The following PARD3 variants were observed in gnomAD, a reference collection of about 807,000 sequenced individuals.
PARD3 encodes partitioning defective 3 homolog.
PARD3 carries 75 observed loss-of-function variants against 155.4 expected under a neutral mutation model. The observed-to-expected ratio is 0.48, with a 90% confidence interval of 0.40 to 0.58. PARD3 has a LOEUF of 0.58. PARD3 is among the 20% of genes least tolerant of loss of function. PARD3 has a pLI of 0.00. For missense variants in PARD3, 1,642 were observed against 1,721.7 expected (o/e 0.95, Z 0.82); for synonymous variants, 576 against 610.5 (o/e 0.94, Z 0.83).
chr10:34,176,006 AATAG>A (rs1421207084), intron 22 of PARD3, among the ~76,000 whole-genome samples: 1 of 152,204 alleles, frequency 6.6e-6, no homozygotes, highest in Non-Finnish European at 1.5e-5. Context: ...ACAATTCACA[AATAG>A]ATAAATTAGT....
At position 34,360,204 on chromosome 10, in the gene PARD3, G is replaced by C; in HGVS notation, c.1763C>G (p.Thr588Arg). The change falls in exon 13 of 25, where the codon ACA becomes AGA. Residue 588 changes from threonine to arginine, a missense_variant. Thr to Arg is a moderately conservative substitution (Grantham distance 71). Transcript: ENST00000374788. ...TGAATCATTAAGTGGGACTTCAAATGTCAGAAATTCCCTGGTGCCATCAGG... is the reference window on the plus strand; with the variant it reads ...TGAATCATTAAGTGGGACTTCAAATCTCAGAAATTCCCTGGTGCCATCAGG... ...LTPDGTREFL[T>R]FEVPLNDSGS... 6.2e-7 allele frequency: 1 copy of C among 1,613,844 alleles called. No individual in the cohort carries two copies. The highest frequency in any genetic ancestry group is 8.5e-7 in the Non-Finnish European group (1 of 1,179,744).
At chr10:34,238,373 G>T (rs1312773956) in intron 22 of PARD3, among the ~76,000 whole-genome samples, 1 of 152,294 alleles carries the variant, frequency 6.6e-6, no homozygotes, top group African/African-American at 2.4e-5. Flanking sequence ...GGCTCTCCTG[G>T]TTGTTTTAAT....
At chr10:34,669,763 C>T (rs372608016) in intron 2 of PARD3, among the ~76,000 whole-genome samples, 100 of 152,236 alleles carry the variant, frequency 6.6e-4, no homozygotes, top group African/African-American at 2.3e-3. Flanking sequence ...TGAGTATCTG[C>T]ATTAAAATGT....
intron 20 of PARD3, among the ~76,000 whole-genome samples, chr10:34,315,263 C>G (rs1957940536): frequency 6.6e-6 from 1 of 152,190 alleles, no homozygotes; most frequent in African/African-American, 2.4e-5. Context: ...AAACAATACA[C>G]ATTTCTCCCA....
chr10:34,348,505 T>C (rs931598088), intron 14 of PARD3, among the ~76,000 whole-genome samples: 7 of 152,208 alleles, frequency 4.6e-5, no homozygotes, highest in Non-Finnish European at 1.0e-4. Flanking sequence ...TTGATCAGAA[T>C]GGAAGCTGCA....
chr10:34,663,499 C>T (rs1212891620), intron 2 of PARD3, among the ~76,000 whole-genome samples: 5 of 152,138 alleles, frequency 3.3e-5, no homozygotes, highest in Non-Finnish European at 7.4e-5. Context: ...CCCACTTAAT[C>T]TCATGTGGTT....
intron 5 of PARD3, among the ~76,000 whole-genome samples, chr10:34,427,977 A>C (rs973573899): frequency 2.6e-5 from 4 of 152,056 alleles, no homozygotes; most frequent in Non-Finnish European, 5.9e-5. Context: ...GGAATATGTG[A>C]TGGCAATGGG....
chr10:34,397,944 T>C (rs1347654103), intron 7 of PARD3, among the ~76,000 whole-genome samples: 3 of 152,182 alleles, frequency 2.0e-5, no homozygotes, highest in African/African-American at 4.8e-5. Context: ...CTCAATTTCT[T>C]ACACGAAATA....
At chr10:34,334,064 G>C (rs1835892312) in intron 18 of PARD3, among the ~76,000 whole-genome samples, 1 of 151,712 alleles carries the variant, frequency 6.6e-6, no homozygotes, top group African/African-American at 2.4e-5. Flanking sequence ...ATAAAAGTTA[G>C]TATCTTTTGT....
intron 2 of PARD3, among the ~76,000 whole-genome samples, chr10:34,661,537 ATC>A (rs2093326325): frequency 6.6e-6 from 1 of 152,178 alleles, no homozygotes; most frequent in African/African-American, 2.4e-5. Flanking sequence ...AAACGGGCAA[ATC>A]TATTTTCTAC....
chr10:34,114,345 T>C (rs1230058537), intron 24 of PARD3, among the ~76,000 whole-genome samples: 1 of 152,118 alleles, frequency 6.6e-6, no homozygotes, highest in Non-Finnish European at 1.5e-5. Flanking sequence ...TTAATTTAAT[T>C]TAATTATTTT....
chr10:34,207,247 A>G (rs953506342), intron 22 of PARD3, among the ~76,000 whole-genome samples: 2 of 152,158 alleles, frequency 1.3e-5, no homozygotes, highest in South Asian at 4.1e-4. Flanking sequence ...CTCCCATTCA[A>G]ATGGTTGGTT....
At chr10:34,534,641 G>C (rs1156829437) in intron 2 of PARD3, among the ~76,000 whole-genome samples, 1 of 152,206 alleles carries the variant, frequency 6.6e-6, no homozygotes, top group Non-Finnish European at 1.5e-5. Flanking sequence ...CAGGCACAAA[G>C]CAAGTGAGCC....
chr10:34,304,529 G>T (rs1265697119), intron 20 of PARD3, among the ~76,000 whole-genome samples: 1 of 152,074 alleles, frequency 6.6e-6, no homozygotes, highest in Non-Finnish European at 1.5e-5. Context: ...TAGCAATCTT[G>T]GCTCCCACAT....
At chr10:34,294,195 C>T (rs2133983351) in intron 20 of PARD3, among the ~76,000 whole-genome samples, 2 of 152,338 alleles carry the variant, frequency 1.3e-5, no homozygotes, top group Middle Eastern at 6.8e-3. Context: ...AGTACAAACA[C>T]ACGCACAAGG....
In PARD3 at chr10:34,360,098, G is replaced by T. The variant is rs971915658; in HGVS notation, c.1869C>A (p.Ser623=). The T allele has an allele frequency of 1.2e-6, 2 of 1,613,890 alleles. No individual in the cohort carries two copies. Among genetic ancestry groups the T allele is most frequent in the Non-Finnish European group, 1.7e-6 (2 of 1,179,908 alleles). ...TAGATGCTGCTCCTCCATTAATAAT[G>T]GACTTGACAAAGATTCCCAAATCTG... ...NHADLGIFVK[S]IINGGAASKD... Residue 623 remains serine, a synonymous_variant, in exon 13 of 25, where the codon TCC becomes TCA. Coordinates refer to ENST00000374788, the MANE Select transcript of PARD3 (RefSeq NM_001184785.2).
chr10:34,227,712 A>C (rs11009687), intron 22 of PARD3, among the ~76,000 whole-genome samples: 185 of 151,660 alleles, frequency 1.2e-3, no homozygotes, highest in African/African-American at 4.2e-3. Flanking sequence ...GAATGCTTAC[A>C]AACTGCTGGA....
At chr10:34,485,368 G>A (rs11009804) in intron 3 of PARD3, among the ~76,000 whole-genome samples, 43,454 of 151,672 alleles carry the variant, frequency 0.29, 6,722 homozygotes, top group East Asian at 0.42. Context: ...TTTTGCCAAG[G>A]TTAAAGATAT....
chr10:34,434,471 T>C (rs1171293524), intron 5 of PARD3, among the ~76,000 whole-genome samples: 1 of 152,254 alleles, frequency 6.6e-6, no homozygotes, highest in Non-Finnish European at 1.5e-5. Context: ...GCATAAGACA[T>C]GCTGTGCAAT....
Sources: gnomAD v4.1 joint callset for allele counts (sites outside exome capture counted in the v4.1 genomes callset) on GRCh38, gnomAD v4.1.1 for gene constraint, MANE v1.5 for transcripts, NCBI Gene and HGNC (gene_info 2026-07-23, HGNC 2026-07-21) for gene names.